The following GALNT17 variants were observed in gnomAD, a reference collection of about 807,000 sequenced individuals.
GALNT17 encodes UDP-GalNAc:polypeptide N-acetylgalactosaminyltransferase-like 3.
GALNT17 carries 29 observed loss-of-function variants against 63.7 expected under a neutral mutation model. The observed-to-expected ratio is 0.46, with a 90% CI of 0.34 to 0.62. The LOEUF (loss-of-function observed/expected upper bound fraction) is 0.62. Among genes scored for constraint, GALNT17 ranks in the 20% least tolerant of loss-of-function variants. The probability of loss-of-function intolerance (pLI) is 0.01; values close to 1 mark genes in which losing one functional copy is unlikely to be tolerated. For synonymous variants in GALNT17, 305 were observed against 318.3 expected, an observed-to-expected ratio of 0.96 and a Z score of 0.45; for missense variants, 603 against 799.6, an observed-to-expected ratio of 0.75 and a Z score of 2.97.
At chr7:71,183,455 A>G (rs1209411472) in intron 1 of GALNT17, among the ~76,000 whole-genome samples, 2 of 152,122 alleles carry the variant, frequency 1.3e-5, no homozygotes, top group Admixed American at 1.3e-4. Flanking sequence ...TCCTGGGGGT[A>G]TTGAATTCCT....
At chr7:71,553,278 G>A (rs1789110901) in intron 5 of GALNT17, among the ~76,000 whole-genome samples, 1 of 151,942 alleles carries the variant, frequency 6.6e-6, no homozygotes, top group African/African-American at 2.4e-5. Context: ...AGTAGGCTAT[G>A]TTCGCACCAC....
Position 71,574,213 on chromosome 7 carries a change from T to C in GALNT17, c.1080+2811T>C, listed in dbSNP as rs79987859. On this transcript the variant is annotated intron_variant, in intron 6 of 10. Transcript: ENST00000333538. ...GATACTGGGTCAAATGGTAATTCTA[T>C]TTTAAGTTCTTTCAGCCGTTGTGGA... is the stretch of plus-strand genomic sequence containing the variant. 5.7e-3 allele frequency among the ~76,000 whole-genome samples: 867 copies of C among 152,338 alleles called. 9 individuals carry two copies. The highest frequency in any genetic ancestry group is 0.02 in the African/African-American group (827 of 41,574).
chr7:71,569,258 T>A (rs1407932398), intron 5 of GALNT17, among the ~76,000 whole-genome samples: 1 of 152,132 alleles, frequency 6.6e-6, no homozygotes, highest in African/African-American at 2.4e-5. Flanking sequence ...GCGTGAGTCA[T>A]CGTGCCCGGC....
At chr7:71,178,311 A>AT (rs1270106140) in intron 1 of GALNT17, among the ~76,000 whole-genome samples, 3 of 151,738 alleles carry the variant, frequency 2.0e-5, no homozygotes, top group East Asian at 1.9e-4. Flanking sequence ...GTGATTTGTC[A>AT]TTTTTTTCTG....
chr7:71,350,867 G>A (rs1030440958), intron 2 of GALNT17, among the ~76,000 whole-genome samples: 4 of 152,194 alleles, frequency 2.6e-5, no homozygotes, highest in African/African-American at 7.2e-5. Context: ...GCGGCTGGGC[G>A]CAGTGAGTCA....
At chr7:71,328,733 A>G (rs1219474072) in intron 1 of GALNT17, among the ~76,000 whole-genome samples, 2 of 151,076 alleles carry the variant, frequency 1.3e-5, no homozygotes, top group African/African-American at 4.9e-5. Flanking sequence ...ACCAAAAAAT[A>G]TGTAATTCAC....
Position 71,397,940 on chromosome 7 carries a change from CTTT to C in GALNT17, c.589+9540_589+9542del, listed in dbSNP as rs754465012. Reference sequence around the variant, plus strand: ...TTTGATGGTTTTGCTCCATTATTGTCTTTGTTGTTGTTGTTGTTGTTGTTGTTG... The same window carrying C: ...TTTGATGGTTTTGCTCCATTATTGTCGTTGTTGTTGTTGTTGTTGTTGTTG... On this transcript the variant is annotated intron_variant, in intron 3 of 10. Transcript: ENST00000333538. Among the ~76,000 whole-genome samples, 16 of 99,400 alleles carry C rather than the reference CTTT, an allele frequency of 1.6e-4. No individual in the cohort carries two copies. In the South Asian group the frequency reaches 3.3e-3, roughly 21 times the overall value. 65.2% of individuals were successfully genotyped at this position (99,400 alleles called of 152,430 possible). A position where few individuals can be genotyped will look rare whatever the true frequency, so the allele number is the denominator to read the frequency against.
chr7:71,442,678 G>A lies in GALNT17; in HGVS notation c.962+21573G>A, dbSNP rs573114922. ...ACTTCATTTTCTTCCGGAAGTGTAG[G>A]CTCCTGTGTCATTAAGTCATTCTGG... On this transcript the variant is annotated intron_variant, in intron 5 of 10. Transcript: ENST00000333538. Among the ~76,000 whole-genome samples, 9 of 152,204 alleles carry A rather than the reference G, an allele frequency of 5.9e-5. No individual in the cohort carries two copies. The East Asian group carries it at 1.7e-3, about 29-fold the overall frequency.
chr7:71,452,603 A>G (rs1485319571), intron 5 of GALNT17, among the ~76,000 whole-genome samples: 1 of 152,242 alleles, frequency 6.6e-6, no homozygotes, highest in Non-Finnish European at 1.5e-5. Context: ...ATCAGTTTTT[A>G]TAATGGCTGT....
chr7:71,255,404 C>T (rs1790271654), intron 1 of GALNT17, among the ~76,000 whole-genome samples: 1 of 152,210 alleles, frequency 6.6e-6, no homozygotes, highest in African/African-American at 2.4e-5. Context: ...TGAGGCTTTG[C>T]CAGCCATGTG....
intron 6 of GALNT17, among the ~76,000 whole-genome samples, chr7:71,579,424 C>T (rs535158395): frequency 1.1e-4 from 17 of 152,122 alleles, no homozygotes; most frequent in Non-Finnish European, 2.9e-5. Context: ...GACAGAAATA[C>T]TGTTCATGAA....
chr7:71,209,971 G>C (rs1358760069), intron 1 of GALNT17, among the ~76,000 whole-genome samples: 1 of 151,934 alleles, frequency 6.6e-6, no homozygotes, highest in Non-Finnish European at 1.5e-5. Flanking sequence ...CACCGAGGCT[G>C]GAGTGCAGTG....
At chr7:71,685,795 G>C (rs1054592374) in intron 9 of GALNT17, 2 of 152,054 alleles carry the variant, frequency 1.3e-5, no homozygotes, top group Admixed American at 1.3e-4. Flanking sequence ...CCATATAGGT[G>C]GTGATCATAT....
Position 71,291,374 on chromosome 7 carries a change from C to G in GALNT17, c.239-44176C>G, listed in dbSNP as rs190779652. Among the ~76,000 whole-genome samples, 11 of 152,212 alleles carry G rather than the reference C, an allele frequency of 7.2e-5. No individual in the cohort carries two copies. In the East Asian group the frequency reaches 2.1e-3, roughly 29 times the overall value. ...GTTACATTCCTATTCTTCCAGAATTCTTAGGCATGATTTTGTTGGGTTGAC... is the reference window on the plus strand; with the variant it reads ...GTTACATTCCTATTCTTCCAGAATTGTTAGGCATGATTTTGTTGGGTTGAC... On this transcript the variant is annotated intron_variant, in intron 1 of 10. Transcript: ENST00000333538.
chr7:71,643,285 TG>T (rs1401359072), intron 6 of GALNT17, among the ~76,000 whole-genome samples: 1 of 152,006 alleles, frequency 6.6e-6, no homozygotes, highest in Non-Finnish European at 1.5e-5. Context: ...CTGGCCAACA[TG>T]GGGAAACCCT....
At chr7:71,157,611 T>C (rs1227986414) in intron 1 of GALNT17, among the ~76,000 whole-genome samples, 1 of 151,836 alleles carries the variant, frequency 6.6e-6, no homozygotes, top group Non-Finnish European at 1.5e-5. Flanking sequence ...CGAGCCGAGA[T>C]TGCGCCACTG....
intron 2 of GALNT17, among the ~76,000 whole-genome samples, chr7:71,368,632 T>C (rs902588963): frequency 6.6e-6 from 1 of 152,154 alleles, no homozygotes; most frequent in Non-Finnish European, 1.5e-5. Flanking sequence ...TTTACATATA[T>C]ATTTTTTTCT....
chr7:71,250,153 T>G (rs1392577125), intron 1 of GALNT17, among the ~76,000 whole-genome samples: 1 of 152,202 alleles, frequency 6.6e-6, no homozygotes, highest in African/African-American at 2.4e-5. Context: ...TGGAAAGCAT[T>G]AGTTTCTCAT....
chr7:71,468,300 G>C (rs1787570832), intron 5 of GALNT17, among the ~76,000 whole-genome samples: 1 of 152,028 alleles, frequency 6.6e-6, no homozygotes, highest in African/African-American at 2.4e-5. Context: ...AAAGTGCTGG[G>C]ATTACAGGTA....
Sources: allele counts gnomAD v4.1 joint callset (sites outside exome capture counted in the v4.1 genomes callset), GRCh38; gene constraint gnomAD v4.1.1; transcripts MANE v1.5; gene names NCBI Gene and HGNC (gene_info 2026-07-23, HGNC 2026-07-21).